Variants in ARMH4 observed in about 807,000 individuals in gnomAD.
ARMH4 encodes the protein armadillo like helical domain containing 4, also known as armadillo-like helical domain-containing protein 4.
In ARMH4, 49 loss-of-function variants were observed where a neutral mutation model predicts 61.9. The ratio of observed to expected loss-of-function variants is 0.79; its 90% CI spans 0.63 to 1.00. The LOEUF is 1.00. Ranked by LOEUF, ARMH4 falls within the 50% of genes least tolerant of loss-of-function variation. The probability of loss-of-function intolerance (pLI) is 0.00; values close to 1 mark genes in which losing one functional copy is unlikely to be tolerated. For synonymous variants in ARMH4, 368 were observed against 341.5 expected, an observed-to-expected ratio of 1.08 and a Z score of -0.85; for missense variants, 934 against 930.0, an observed-to-expected ratio of 1.00 and a Z score of -0.06.
chr14:58,020,830 C>T (rs538816769), intron 5 of ARMH4, among the ~76,000 whole-genome samples: 22 of 152,230 alleles, frequency 1.4e-4, no homozygotes, highest in African/African-American at 4.8e-4. Context: ...TATTATAAGG[C>T]GTTGGCTCAT....
intron 5 of ARMH4, among the ~76,000 whole-genome samples, chr14:58,076,141 G>A (rs371377849): frequency 2.6e-5 from 4 of 151,848 alleles, no homozygotes; most frequent in African/African-American, 4.8e-5. Flanking sequence ...AGGCAGCGGC[G>A]GCAACTATTA....
At chr14:58,053,533 T>G (rs549117508) in intron 5 of ARMH4, among the ~76,000 whole-genome samples, 14 of 152,318 alleles carry the variant, frequency 9.2e-5, no homozygotes, top group Non-Finnish European at 1.5e-5. Context: ...TCTATATATC[T>G]CGGTTCATAA....
At chr14:58,008,316 G>A (rs531451271) in intron 6 of ARMH4, among the ~76,000 whole-genome samples, 54 of 152,230 alleles carry the variant, frequency 3.5e-4, no homozygotes, top group Middle Eastern at 3.4e-3. Flanking sequence ...AACAGCAGGC[G>A]CATCCAGGTA....
intron 5 of ARMH4, among the ~76,000 whole-genome samples, chr14:58,095,645 C>T (rs2141262088): frequency 6.6e-6 from 1 of 152,288 alleles, no homozygotes; most frequent in South Asian, 2.1e-4. Flanking sequence ...ACTGGAAGCC[C>T]ATCCCTTACT....
chr14:58,146,965 A>G (rs902186605), intron 1 of ARMH4, among the ~76,000 whole-genome samples: 23 of 152,062 alleles, frequency 1.5e-4, no homozygotes. Flanking sequence ...GTGCCAAGAA[A>G]CTGGTGACAG....
intron 1 of ARMH4, among the ~76,000 whole-genome samples, chr14:58,140,640 C>T (rs950069993): frequency 6.6e-6 from 1 of 151,618 alleles, no homozygotes; most frequent in African/African-American, 2.4e-5. Context: ...GTGGCTCACA[C>T]CTGAAATCCC....
chr14:58,060,648 T>G (rs1884499698), intron 5 of ARMH4, among the ~76,000 whole-genome samples: 4 of 152,140 alleles, frequency 2.6e-5, no homozygotes, highest in Admixed American at 1.3e-4. Context: ...TTAAAAGTTG[T>G]AAAAATAAGA....
At position 58,002,304 on chromosome 14, in the gene ARMH4, C is replaced by T. The variant is rs1215831957; in HGVS notation, c.*2432G>A. 1 of 152,144 alleles carries T rather than the reference C, an allele frequency of 6.6e-6. No individual in the cohort carries two copies. The highest frequency in any genetic ancestry group is 1.5e-5 in the Non-Finnish European group (1 of 68,028). 9.4% of individuals were successfully genotyped at this position (152,144 alleles called of 1,614,324 possible). ...ACATGTCATTTGTACCATCCACCGA[C>T]CTTCCACTCAATCCAGATGTTTAAA... On this transcript the variant is annotated 3_prime_UTR_variant, in exon 8 of 8. Coordinates refer to ENST00000267485, the MANE Select transcript of ARMH4 (RefSeq NM_001001872.4).
At chr14:58,097,126 A>C in intron 4 of ARMH4, 145 bp from the exon 5 acceptor site, 3 of 908,684 alleles carry the variant, frequency 3.3e-6, no homozygotes, top group Non-Finnish European at 3.4e-6. Flanking sequence ...AGACAATGTG[A>C]ACTTTGCAGG....
chr14:58,128,683 A>G (rs906674320), intron 4 of ARMH4, among the ~76,000 whole-genome samples: 7 of 152,224 alleles, frequency 4.6e-5, no homozygotes, highest in Admixed American at 3.3e-4. Context: ...AGGAAAACAC[A>G]CCAAAACTTC....
chr14:58,075,771 A>C (rs1161234782), intron 5 of ARMH4, among the ~76,000 whole-genome samples: 1 of 152,196 alleles, frequency 6.6e-6, no homozygotes, highest in Admixed American at 6.5e-5. Flanking sequence ...GGTGATGGTC[A>C]AAAAGAAAAA....
chr14:58,100,040 C>T (rs1263190935), intron 4 of ARMH4, among the ~76,000 whole-genome samples: 1 of 152,110 alleles, frequency 6.6e-6, no homozygotes, highest in Admixed American at 6.5e-5. Flanking sequence ...TAAAAGAAGA[C>T]AAGGTCCAGT....
chr14:58,030,710 T>A (rs945631016), intron 5 of ARMH4, among the ~76,000 whole-genome samples: 1 of 152,238 alleles, frequency 6.6e-6, no homozygotes, highest in Non-Finnish European at 1.5e-5. Flanking sequence ...TGGAATTATA[T>A]AGTATTTGTC....
chr14:58,103,426 C>A (rs1272231227), intron 4 of ARMH4, among the ~76,000 whole-genome samples: 4 of 152,086 alleles, frequency 2.6e-5, no homozygotes, highest in African/African-American at 9.7e-5. Flanking sequence ...AGCAAGAAGA[C>A]CCTTGCCAGA....
At chr14:58,095,420 A>T (rs1885715717) in intron 5 of ARMH4, among the ~76,000 whole-genome samples, 1 of 152,194 alleles carries the variant, frequency 6.6e-6, no homozygotes, top group Admixed American at 6.5e-5. Context: ...AAACCTGTTC[A>T]TGTAGAACAG....
chr14:58,020,219 C>A (rs1882771537), intron 5 of ARMH4, among the ~76,000 whole-genome samples: 1 of 152,160 alleles, frequency 6.6e-6, no homozygotes, highest in Non-Finnish European at 1.5e-5. Context: ...TCAGTACACC[C>A]ATGGGTCACT....
chr14:58,019,935 A>G (rs1882756764), intron 5 of ARMH4, among the ~76,000 whole-genome samples: 2 of 152,214 alleles, frequency 1.3e-5, no homozygotes, highest in Admixed American at 1.3e-4. Flanking sequence ...ATTTATTTCC[A>G]GTGACAAAGT....
chr14:58,002,898 T>G lies in ARMH4; in HGVS notation c.*1838A>C, dbSNP rs1882027914. On this transcript the variant is annotated 3_prime_UTR_variant, in exon 8 of 8. Transcript: ENST00000267485. ...CACTTCTCTTGATCAGTTTCACATA[T>G]TTGCTTACATCTCTTGGCAAAAAGA... 1 of 152,256 alleles carries G rather than the reference T, an allele frequency of 6.6e-6. No individual in the cohort carries two copies. The highest frequency in any genetic ancestry group is 6.5e-5 in the Admixed American group (1 of 15,286). The allele number at this position is 152,256 out of a possible 1,614,324, so 9.4% of individuals were successfully genotyped here.
chr14:58,128,007 G>A (rs1367130558), intron 4 of ARMH4, among the ~76,000 whole-genome samples: 3 of 152,142 alleles, frequency 2.0e-5, no homozygotes, highest in African/African-American at 7.2e-5. Context: ...AATTGCCAAA[G>A]CAACAACCTT....
Sources: allele counts gnomAD v4.1 joint callset (sites outside exome capture counted in the v4.1 genomes callset), GRCh38; gene constraint gnomAD v4.1.1; transcripts MANE v1.5; gene names NCBI Gene and HGNC (gene_info 2026-07-23, HGNC 2026-07-21).